The following SRGAP1 variants were observed in gnomAD, a reference collection of about 807,000 sequenced individuals.
SRGAP1 encodes the protein SLIT-ROBO Rho GTPase activating protein 1, also known as SLIT-ROBO Rho GTPase-activating protein 1.
A neutral mutation model predicts 121.9 loss-of-function variants in SRGAP1; 43 were observed. The ratio of observed to expected loss-of-function variants is 0.35; its 90% CI spans 0.28 to 0.46. The LOEUF is 0.46. Among genes scored for constraint, SRGAP1 ranks in the 20% least tolerant of loss-of-function variants. SRGAP1 has a pLI of 1.00. For missense variants in SRGAP1, 1,102 were observed against 1,350.9 expected, an observed-to-expected ratio of 0.82 and a Z score of 2.89; for synonymous variants, 447 against 485.4, an observed-to-expected ratio of 0.92 and a Z score of 1.04.
chr12:64,004,659 C>T (rs547405613), intron 3 of SRGAP1, among the ~76,000 whole-genome samples: 28 of 152,262 alleles, frequency 1.8e-4, no homozygotes, highest in South Asian at 6.2e-4. Context: ...TGTGAGCCAC[C>T]GCGCTCGGCC....
intron 16 of SRGAP1, among the ~76,000 whole-genome samples, chr12:64,109,634 T>C (rs1217372189): frequency 6.6e-6 from 1 of 152,180 alleles, no homozygotes; most frequent in African/African-American, 2.4e-5. Flanking sequence ...CTTCCTGCTG[T>C]ATGGGTTCCA....
At chr12:64,084,249 A>AT (rs2136570922) in intron 10 of SRGAP1, among the ~76,000 whole-genome samples, 1 of 151,596 alleles carries the variant, frequency 6.6e-6, no homozygotes, top group East Asian at 1.9e-4. Flanking sequence ...CTCGAGTGAA[A>AT]TTTAAGAGTA....
In SRGAP1 at chr12:64,144,331, C is replaced by G. The variant is rs1206690461; in HGVS notation, c.*1659C>G. The G allele has an allele frequency of 1.3e-5, 2 of 152,006 alleles. No homozygotes were observed. Among genetic ancestry groups the G allele is most frequent in the African/African-American group, 4.8e-5 (2 of 41,358 alleles). 9.4% of individuals were successfully genotyped at this position (152,006 alleles called of 1,614,324 possible). A position where few individuals can be genotyped will look rare whatever the true frequency, so the allele number is the denominator to read the frequency against. Reference sequence around the variant, plus strand: ...TCTTGGTTTCATTTCAAACTGGCAGCCAATTGCACGCCCATCTAAGAGCTA... The same window carrying G: ...TCTTGGTTTCATTTCAAACTGGCAGGCAATTGCACGCCCATCTAAGAGCTA... On this transcript the variant is annotated 3_prime_UTR_variant, in exon 22 of 22. Transcript: ENST00000355086.
chr12:63,884,412 A>G (rs541993855), intron 1 of SRGAP1, among the ~76,000 whole-genome samples: 1 of 152,298 alleles, frequency 6.6e-6, no homozygotes, highest in East Asian at 1.9e-4. Flanking sequence ...AAATTGATGC[A>G]TTGTAGTTAT....
chr12:64,116,502 T>G (rs2036525576), intron 18 of SRGAP1, among the ~76,000 whole-genome samples: 1 of 152,150 alleles, frequency 6.6e-6, no homozygotes, highest in Non-Finnish European at 1.5e-5. Context: ...ATAAGTGGGA[T>G]CATACTGTAT....
chr12:64,023,080 G>A (rs1467250742), intron 4 of SRGAP1, among the ~76,000 whole-genome samples: 2 of 151,906 alleles, frequency 1.3e-5, no homozygotes, highest in African/African-American at 4.8e-5. Context: ...AATGGGGATG[G>A]CCCCAGCTTC....
rs558507141 is a variant in SRGAP1, at chr12:63,977,321, G to A, written c.68-6626G>A. ...TCTTAAGAGAATGTAGACCCCTTTG[G>A]TATCATAAGGAAATTCTGACCAAAT... On this transcript the variant is annotated intron_variant, in intron 1 of 21. Transcript: ENST00000355086. Among the ~76,000 whole-genome samples the A allele has an allele frequency of 4.6e-5, 7 of 152,214 alleles. No individual in the cohort carries two copies. In the South Asian group the frequency reaches 1.2e-3, roughly 27 times the overall value.
intron 1 of SRGAP1, among the ~76,000 whole-genome samples, chr12:63,864,293 A>C (rs950132349): frequency 6.6e-6 from 1 of 152,190 alleles, no homozygotes; most frequent in Non-Finnish European, 1.5e-5. Context: ...ACAGAATAAA[A>C]ATTACTTTTA....
At chr12:64,019,690 TACTC>T (rs762112588) in intron 4 of SRGAP1, among the ~76,000 whole-genome samples, 23 of 152,186 alleles carry the variant, frequency 1.5e-4, no homozygotes, top group Non-Finnish European at 2.1e-4. Flanking sequence ...TATTAATACT[TACTC>T]AGTTTATATT....
chr12:63,848,162 C>T (rs1265193402), intron 1 of SRGAP1, among the ~76,000 whole-genome samples: 2 of 151,792 alleles, frequency 1.3e-5, no homozygotes, highest in Non-Finnish European at 1.5e-5. Flanking sequence ...CGCACCACCA[C>T]GCCCAGTTAA....
At chr12:64,039,082 G>T (rs1182862981) in intron 4 of SRGAP1, 1 of 152,132 alleles carries the variant, frequency 6.6e-6, no homozygotes, top group Non-Finnish European at 1.5e-5. Flanking sequence ...AATGCAGTTT[G>T]TACTTGCATT....
chr12:63,894,383 C>A (rs944636479), intron 1 of SRGAP1, among the ~76,000 whole-genome samples: 3 of 152,108 alleles, frequency 2.0e-5, no homozygotes, highest in Admixed American at 1.3e-4. Context: ...CCCCTTTTCC[C>A]TGTCACAGTT....
chr12:63,882,931 G>A (rs1256118683), intron 1 of SRGAP1, among the ~76,000 whole-genome samples: 2 of 152,198 alleles, frequency 1.3e-5, no homozygotes, highest in Admixed American at 1.3e-4. Context: ...AACTTCTTTT[G>A]TGACCCATTC....
At chr12:63,871,976 CTT>C in intron 1 of SRGAP1, 1 of 1,004,600 alleles carries the variant, frequency 1.0e-6, no homozygotes, top group South Asian at 1.3e-5. Context: ...AATCCTTGCC[CTT>C]CTTATACTGT....
chr12:64,088,576 A>G (rs116595816), intron 11 of SRGAP1, among the ~76,000 whole-genome samples: 11 of 152,324 alleles, frequency 7.2e-5, no homozygotes, highest in African/African-American at 2.6e-4. Flanking sequence ...GAGTCACGCA[A>G]TTGGAATGTT....
At chr12:64,112,055 G>A (rs1021655982) in intron 17 of SRGAP1, 69 bp downstream of exon 17, 1 of 1,290,842 alleles carries the variant, frequency 7.7e-7, no homozygotes, top group East Asian at 2.4e-5. Flanking sequence ...AATTTGATTA[G>A]AAGAAAGAGT....
chr12:64,072,158 G>GGA (rs1273622127), intron 8 of SRGAP1, among the ~76,000 whole-genome samples: 2 of 147,552 alleles, frequency 1.4e-5, no homozygotes, highest in African/African-American at 5.0e-5. Context: ...GGGCGGCGGG[G>GGA]GGGGGCTCTT....
At chr12:63,855,494 T>TG (rs1899216771) in intron 1 of SRGAP1, among the ~76,000 whole-genome samples, 1 of 131,306 alleles carries the variant, frequency 7.6e-6, no homozygotes, top group Non-Finnish European at 1.6e-5. Context: ...TTTTTTTTTT[T>TG]TTTTTTTTTT....
chr12:63,992,000 A>C (rs2033567737), intron 3 of SRGAP1, among the ~76,000 whole-genome samples: 1 of 152,224 alleles, frequency 6.6e-6, no homozygotes, highest in African/African-American at 2.4e-5. Flanking sequence ...GTTCTCAGAA[A>C]GGGGAACACT....
Sources: allele counts gnomAD v4.1 joint callset (sites outside exome capture counted in the v4.1 genomes callset), GRCh38; gene constraint gnomAD v4.1.1; transcripts MANE v1.5; gene names NCBI Gene and HGNC (gene_info 2026-07-23, HGNC 2026-07-21).